Variants in CLNK observed in about 807,000 individuals in gnomAD.
CLNK encodes cytokine-dependent hematopoietic cell linker.
A neutral mutation model predicts 68.6 loss-of-function variants in CLNK; 74 were observed. That is an observed-to-expected ratio of 1.08 (90% CI 0.89 to 1.31). The LOEUF (loss-of-function observed/expected upper bound fraction) is 1.31, where lower values mean the gene tolerates loss of function less well. Among genes scored for constraint, CLNK ranks in the 50% most tolerant of loss-of-function variants. CLNK has a pLI of 0.00. For synonymous variants in CLNK, 198 were observed against 172.2 expected (o/e 1.15, Z -1.17); for missense variants, 553 against 515.3 (o/e 1.07, Z -0.71).
intron 11 of CLNK, among the ~76,000 whole-genome samples, chr4:10,535,213 G>GAGAAAGAAAGAAAAAA (rs1553847855): frequency 9.9e-5 from 13 of 131,392 alleles, no homozygotes; most frequent in African/African-American, 3.4e-4. Context: ...AAGAAAGAAA[G>GAGAAAGAAAGAAAAAA]AGAAAGAAAG....
chr4:10,592,144 T>A (rs1721202380), intron 3 of CLNK, among the ~76,000 whole-genome samples: 2 of 152,246 alleles, frequency 1.3e-5, no homozygotes, highest in South Asian at 4.1e-4. Flanking sequence ...TGACATATAA[T>A]TATTCATTTA....
rs181605961 is a variant in CLNK at position 10,505,870 on chromosome 4, G to A, written c.984+2089C>T. Among the ~76,000 whole-genome samples the A allele has an allele frequency of 3.4e-3, 513 of 152,054 alleles. 3 individuals are homozygous for A. Among genetic ancestry groups the A allele is most frequent in the Non-Finnish European group, 4.6e-3 (313 of 67,982 alleles). ...ATTAGAATGTGAACATCTTTGGGGG[G>A]GCATGATTCTGTTTATCATAGCAAC... On this transcript the variant is annotated intron_variant, in intron 17 of 18. Transcript: ENST00000226951.
At chr4:10,641,109 A>G (rs1489028874) in intron 2 of CLNK, among the ~76,000 whole-genome samples, 1 of 152,194 alleles carries the variant, frequency 6.6e-6, no homozygotes, top group Non-Finnish European at 1.5e-5. Flanking sequence ...AGTCATGTTT[A>G]AAGTTTCTAG....
upstream of CLNK, among the ~76,000 whole-genome samples, chr4:10,686,679 A>G (rs1725284711): frequency 2.0e-5 from 3 of 150,772 alleles, no homozygotes; most frequent in South Asian, 6.3e-4. Flanking sequence ...CCAAGTTCAG[A>G]GTAAATGTGG....
rs33954033 is a variant in CLNK at position 10,676,393 on chromosome 4, CTT to C, written c.-43+8273_-43+8274del. On this transcript the variant is annotated intron_variant, in intron 1 of 18. Transcript: ENST00000226951. ...TCAAATGCATTGTTATTATAGATTT[CTT>C]TTTTTTTTTTTTTGAGGGGTAAGGG... 3.4e-3 allele frequency among the ~76,000 whole-genome samples: 457 copies of C among 134,354 alleles called. 3 individuals carry two copies. Among genetic ancestry groups the C allele is most frequent in the East Asian group, 5.7e-3 (26 of 4,594 alleles). 88.1% of individuals were successfully genotyped at this position (134,354 alleles called of 152,430 possible). A position where few individuals can be genotyped will look rare whatever the true frequency, so the allele number is the denominator to read the frequency against.
rs114388013 is a variant in CLNK, at chr4:10,681,078, C to T, written c.-43+3590G>A. ...AGGCATCAGACCACCCATAGCTCAG[C>T]AAATCCAGCTTTTGAAATTACACAG... On this transcript the variant is annotated intron_variant, in intron 1 of 18. Transcript: ENST00000226951. Among the ~76,000 whole-genome samples the T allele has an allele frequency of 2.7e-3, 418 of 152,280 alleles. 3 individuals are homozygous for T. The highest frequency in any genetic ancestry group is 9.5e-3 in the African/African-American group (395 of 41,564).
chr4:10,690,320 C>T, the CLNK span, among the ~76,000 whole-genome samples: 1 of 152,242 alleles, frequency 6.6e-6, no homozygotes, highest in Non-Finnish European at 1.5e-5. Context: ...TATAAGAGCT[C>T]ATCCGGCAGA....
chr4:10,545,833 C>T (rs548555779), intron 8 of CLNK, among the ~76,000 whole-genome samples: 1 of 152,274 alleles, frequency 6.6e-6, no homozygotes, highest in South Asian at 2.1e-4. Flanking sequence ...TAGCACCACA[C>T]AGATACTGCC....
chr4:10,504,804 AT>A (rs1212279446), intron 17 of CLNK, among the ~76,000 whole-genome samples: 1 of 152,246 alleles, frequency 6.6e-6, no homozygotes, highest in Non-Finnish European at 1.5e-5. Context: ...TTTAAAATAA[AT>A]TATCTTTCAT....
At chr4:10,599,191 A>G (rs2108846196) in intron 2 of CLNK, among the ~76,000 whole-genome samples, 1 of 152,334 alleles carries the variant, frequency 6.6e-6, no homozygotes, top group South Asian at 2.1e-4. Flanking sequence ...TAGCATCCCC[A>G]GGGCCTGGGT....
intron 14 of CLNK, among the ~76,000 whole-genome samples, chr4:10,525,107 C>A (rs1718250029): frequency 6.6e-6 from 1 of 152,178 alleles, no homozygotes; most frequent in Non-Finnish European, 1.5e-5. Flanking sequence ...CTCTGTCGCC[C>A]AGGCTGGAGT....
rs748975897 is a variant in CLNK at position 10,501,162 on chromosome 4, G to A, written c.1140+94C>T. On this transcript the variant is annotated intron_variant, in intron 18 of 18. Coordinates refer to ENST00000226951, the MANE Select transcript of CLNK (RefSeq NM_052964.4). ...TCAGACTGCATCCCTCTCCTTCAGG[G>A]CGGCATCCTCTTCCTCCAGGGTGAC... The A allele has an allele frequency of 1.1e-4, 134 of 1,266,072 alleles. 1 individual carries two copies. Among genetic ancestry groups the A allele is most frequent in the Middle Eastern group, 2.6e-4 (1 of 3,788 alleles). The allele number at this position is 1,266,072 out of a possible 1,614,324, so 78.4% of individuals were successfully genotyped here. A position where few individuals can be genotyped will look rare whatever the true frequency, so the allele number is the denominator to read the frequency against.
At chr4:10,720,872 A>G in the CLNK span, among the ~76,000 whole-genome samples, 2,594 of 151,798 alleles carry the variant, frequency 0.017, 30 homozygotes, top group East Asian at 0.057. Flanking sequence ...TTCACACAAA[A>G]ATTGGTACAC....
At chr4:10,531,877 C>A (rs1466567582) in intron 12 of CLNK, 3 of 469,610 alleles carry the variant, frequency 6.4e-6, no homozygotes, top group Non-Finnish European at 8.4e-6. Context: ...ATTCCTTCTA[C>A]TTTGCATTCC....
chr4:10,550,172 C>T (rs531412208), intron 8 of CLNK, among the ~76,000 whole-genome samples: 1 of 152,318 alleles, frequency 6.6e-6, no homozygotes, highest in South Asian at 2.1e-4. Context: ...ATTCTGTGAA[C>T]TGGCTTTACA....
In CLNK at chr4:10,616,778, A is replaced by ATGTG. The variant is rs62931362; in HGVS notation, c.12-18733_12-18730dup. 9.1e-4 allele frequency among the ~76,000 whole-genome samples: 131 copies of ATGTG among 144,558 alleles called. 1 individual carries two copies. Among genetic ancestry groups the ATGTG allele is most frequent in the African/African-American group, 3.3e-3 (126 of 38,032 alleles). The allele number at this position is 144,558 out of a possible 152,430, so 94.8% of individuals were successfully genotyped here. ...TTATAATAAAGTTGTGTGTGTATAT[A>ATGTG]TGTGTGTGTGTGTATATATATATAT... On this transcript the variant is annotated intron_variant, in intron 2 of 18. Coordinates refer to ENST00000226951, the MANE Select transcript of CLNK (RefSeq NM_052964.4).
intron 2 of CLNK, among the ~76,000 whole-genome samples, chr4:10,603,716 G>A (rs984249683): frequency 2.6e-5 from 4 of 152,236 alleles, no homozygotes; most frequent in African/African-American, 9.6e-5. Context: ...CCATGTTGGG[G>A]TGGGAAGGCC....
At chr4:10,677,456 A>G (rs540100697) in intron 1 of CLNK, among the ~76,000 whole-genome samples, 152 of 152,248 alleles carry the variant, frequency 1.0e-3, no homozygotes, top group Middle Eastern at 3.4e-3. Flanking sequence ...AAAGAGTAAT[A>G]CAACTTAGAG....
At chr4:10,537,638 T>TTTCTTC (rs1191182371) in intron 11 of CLNK, among the ~76,000 whole-genome samples, 33 of 57,534 alleles carry the variant, frequency 5.7e-4, no homozygotes, top group Non-Finnish European at 8.6e-4. Flanking sequence ...TCTTTCTTTC[T>TTTCTTC]CTTTCTTTCT....
Sources: gnomAD v4.1 joint callset for allele counts (sites outside exome capture counted in the v4.1 genomes callset) on GRCh38, gnomAD v4.1.1 for gene constraint, MANE v1.5 for transcripts, NCBI Gene and HGNC (gene_info 2026-07-23, HGNC 2026-07-21) for gene names.